The following COX19 variants were observed in gnomAD, a reference collection of about 807,000 sequenced individuals.
COX19 encodes cytochrome c oxidase assembly protein COX19.
A neutral mutation model predicts 6.8 loss-of-function variants in COX19; 8 were observed. The ratio of observed to expected loss-of-function variants is 1.18; its 90% CI spans 0.69 to 2.12. The LOEUF (loss-of-function observed/expected upper bound fraction) is 2.12, where lower values mean the gene tolerates loss of function less well. Among genes scored for constraint, COX19 ranks in the 30% most tolerant of loss-of-function variants. COX19 has a pLI of 0.00. For synonymous variants in COX19, 51 were observed against 38.0 expected, an observed-to-expected ratio of 1.34 and a Z score of -1.26; for missense variants, 131 against 104.6, an observed-to-expected ratio of 1.25 and a Z score of -1.10.
chr7:970,837 A>G (rs1172283174), intron 2 of COX19, among the ~76,000 whole-genome samples: 1 of 152,130 alleles, frequency 6.6e-6, no homozygotes, highest in Non-Finnish European at 1.5e-5. Context: ...TTGGCCTCCC[A>G]AAGTGCTGGG....
In COX19 at chr7:973,194, A is replaced by G; in HGVS notation, c.181T>C (p.Cys61Arg). The change falls in exon 2 of 3, where the codon TGC becomes CGC. Residue 61 changes from cysteine to arginine, a missense_variant. Transcript: ENST00000344111. ...AGCTGTACTCACCTCTCCATCCTGC[A>G]TTCTAAATATTCTTTTGATTCCTTT... ...CRKESKEYLE[C>R]RMERKLMLQE... 4 of 1,597,740 alleles carry G rather than the reference A, an allele frequency of 2.5e-6. No homozygotes were observed. The highest frequency in any genetic ancestry group is 3.4e-6 in the Non-Finnish European group (4 of 1,172,718).
In COX19 at chr7:975,516, G is replaced by A; in HGVS notation, c.-7C>T. 6.3e-7 allele frequency: 1 copy of A among 1,599,962 alleles called. No individual in the cohort carries two copies. The highest frequency in any genetic ancestry group is 8.5e-7 in the Non-Finnish European group (1 of 1,174,728). On this transcript the variant is annotated 5_prime_UTR_variant, in exon 1 of 3. Coordinates refer to ENST00000344111, the MANE Select transcript of COX19 (RefSeq NM_001031617.3). ...AATTCATGGCGGTCGACATGTTGGC[G>A]ACTCCGGAGTCTGCGAGCGCCTTGC...
Position 975,537 on chromosome 7 carries a change from C to T in COX19, c.-28G>A, listed in dbSNP as rs756489750. The T allele has an allele frequency of 1.3e-5, 20 of 1,585,112 alleles. No individual in the cohort carries two copies. In the East Asian group the frequency reaches 4.3e-4, roughly 34 times the overall value. ...TGGCGACTCCGGAGTCTGCGAGCGC[C>T]TTGCGAGCGTACGCAGGGCGGCCGG... On this transcript the variant is annotated 5_prime_UTR_variant, in exon 1 of 3. Transcript: ENST00000344111.
At chr7:971,612 C>T (rs1847636259) in intron 2 of COX19, among the ~76,000 whole-genome samples, 1 of 152,160 alleles carries the variant, frequency 6.6e-6, no homozygotes, top group African/African-American at 2.4e-5. Flanking sequence ...TGGCTCACGC[C>T]TGTAATCCCA....
In COX19 at chr7:965,830, G is replaced by C. The variant is rs942964758; in HGVS notation, c.*3548C>G. ...ATTTTTGTATTTTTAGTAGAGACAG[G>C]GTTTCTCCATGTTGGCCAGGCTGGC... On this transcript the variant is annotated 3_prime_UTR_variant, in exon 3 of 3. Transcript: ENST00000344111. Among the ~76,000 whole-genome samples the C allele has an allele frequency of 3.3e-5, 5 of 152,214 alleles. No individual in the cohort carries two copies. Among genetic ancestry groups the C allele is most frequent in the Non-Finnish European group, 7.3e-5 (5 of 68,046 alleles).
intron 1 of COX19, among the ~76,000 whole-genome samples, chr7:973,574 G>A (rs546390976): frequency 3.3e-5 from 5 of 152,334 alleles, no homozygotes; most frequent in African/African-American, 1.2e-4. Context: ...AGGAGGCTGA[G>A]GCAGGAAGAT....
At chr7:974,730 C>G (rs139308794) in intron 1 of COX19, among the ~76,000 whole-genome samples, 5,711 of 152,014 alleles carry the variant, frequency 0.038, 150 homozygotes, top group African/African-American at 0.067. Context: ...CCGATCTCGG[C>G]TCACTGCAAC....
At chr7:973,389 T>G in intron 1 of COX19, 97 bp from the exon 2 acceptor site, 1 of 1,397,520 alleles carries the variant, frequency 7.2e-7, no homozygotes, top group Non-Finnish European at 9.3e-7. Flanking sequence ...CTTTCAAAAC[T>G]TGTTTCCTCA....
chr7:969,512 C>T lies in COX19; in HGVS notation c.195-56G>A, dbSNP rs1006488477. ...GGAGGTGCAGAGAGGACAAGAGGGG[C>T]CCTTGCAGGCCCCGGCTTCCCAGCG... On this transcript the variant is annotated intron_variant, in intron 2 of 2. Transcript: ENST00000344111. The T allele has an allele frequency of 1.1e-5, 12 of 1,102,638 alleles. No homozygotes were observed. In the African/African-American group the frequency reaches 1.9e-4, roughly 17 times the overall value. 68.3% of individuals were successfully genotyped at this position (1,102,638 alleles called of 1,614,324 possible).
intron 1 of COX19, 43 bp downstream of exon 1, chr7:975,385 C>T (rs3735678): frequency 0.12 from 172,978 of 1,463,736 alleles, 10,997 homozygotes; most frequent in South Asian, 0.15. Flanking sequence ...GCGACCCAGA[C>T]CCCCCATCGC....
At chr7:973,544 G>A (rs55729719) in intron 1 of COX19, among the ~76,000 whole-genome samples, 24,643 of 152,110 alleles carry the variant, frequency 0.16, 2,957 homozygotes, top group African/African-American at 0.34. Context: ...TGTGGCGCAC[G>A]TCTGTGGTTC....
rs754515676 is a variant in COX19 at position 973,216 on chromosome 7, C to T, written c.159G>A (p.Lys53=). The T allele has an allele frequency of 6.2e-7, 1 of 1,602,870 alleles. No homozygotes were observed. The highest frequency in any genetic ancestry group is 1.7e-5 in the Admixed American group (1 of 58,142). The change falls in exon 2 of 3, where the codon AAG becomes AAA. Residue 53 remains lysine (K), a synonymous_variant. Transcript: ENST00000344111. ...NNNFENALCR[K]ESKEYLECRM... is the part of the protein sequence containing the mutation. ...TGCATTCTAAATATTCTTTTGATTC[C>T]TTTCTGCACAAAGCATTTTCAAAAT...
chr7:970,803 C>G (rs1847624068), intron 2 of COX19, among the ~76,000 whole-genome samples: 2 of 152,132 alleles, frequency 1.3e-5, no homozygotes, highest in South Asian at 4.1e-4. Context: ...GTCTTGAACT[C>G]CTGAGCTCAA....
rs1287898075 is a variant in COX19 at position 964,934 on chromosome 7, AGAT to A, written c.*4441_*4443del. Among the ~76,000 whole-genome samples the A allele has an allele frequency of 6.6e-6, 1 of 152,256 alleles. No homozygotes were observed. Among genetic ancestry groups the A allele is most frequent in the African/African-American group, 2.4e-5 (1 of 41,472 alleles). On this transcript the variant is annotated 3_prime_UTR_variant, in exon 3 of 3. Coordinates refer to ENST00000344111, the MANE Select transcript of COX19 (RefSeq NM_001031617.3). ...AAATAAAATGCATTCTGCACATGACAGATGATGAACTACCCGAAATATCTCGTG... is the reference window on the plus strand; with the variant it reads ...AAATAAAATGCATTCTGCACATGACAGATGAACTACCCGAAATATCTCGTG...
chr7:971,967 C>T (rs1487260959), intron 2 of COX19, among the ~76,000 whole-genome samples: 1 of 152,236 alleles, frequency 6.6e-6, no homozygotes, highest in Non-Finnish European at 1.5e-5. Flanking sequence ...GCGAGACCAC[C>T]TGAGGCACTG....
intron 1 of COX19, chr7:975,217 C>T (rs1348795453): frequency 2.1e-5 from 9 of 431,182 alleles, no homozygotes; most frequent in Non-Finnish European, 3.7e-5. Context: ...TCGCTGCCCT[C>T]GTCACGGGGG....
chr7:969,043 T>C lies in COX19; in HGVS notation c.*335A>G. 1 of 228,072 alleles carries C rather than the reference T, an allele frequency of 4.4e-6. No individual in the cohort carries two copies. Among genetic ancestry groups the C allele is most frequent in the Non-Finnish European group, 8.5e-6 (1 of 117,264 alleles). 14.1% of individuals were successfully genotyped at this position (228,072 alleles called of 1,614,324 possible). On this transcript the variant is annotated 3_prime_UTR_variant, in exon 3 of 3. Coordinates refer to ENST00000344111, the MANE Select transcript of COX19 (RefSeq NM_001031617.3). The stretch of plus-strand genomic sequence containing the variant: ...AGGGACTGAAATTTATACATTTACC[T>C]CTTTGAACTCAGAAAGTATCAGAGG...
Position 975,442 on chromosome 7 carries a change from G to C in COX19, c.68C>G (p.Pro23Arg). Residue 23 changes from proline (P) to arginine (R), a missense_variant, in exon 1 of 3, where the codon CCG becomes CGG. Transcript: ENST00000344111. ...CCGCCGCTCACCTAAGTGATCCAGC[G>C]GGAAGCTGCCCTTGTCCGGGGGCCG... is the stretch of plus-strand genomic sequence containing the variant. ...QPRPPDKGSF[P>R]LDHLGECKSF... 5 of 1,597,828 alleles carry C rather than the reference G, an allele frequency of 3.1e-6. No homozygotes were observed. The highest frequency in any genetic ancestry group is 4.3e-6 in the Non-Finnish European group (5 of 1,174,006).
In COX19 at chr7:975,319, T is replaced by A. The variant is rs548331157; in HGVS notation, c.82+109A>T. On this transcript the variant is annotated intron_variant, in intron 1 of 2. Coordinates refer to ENST00000344111, the MANE Select transcript of COX19 (RefSeq NM_001031617.3). ...GGAGGGGCGGGCCGCCGTGCCTCAG[T>A]TTCCCCGCCTGCACCGCGCTAGATG... The A allele has an allele frequency of 7.1e-6, 6 of 848,738 alleles. No homozygotes were observed. In the East Asian group the frequency reaches 9.8e-5, roughly 14 times the overall value. The allele number at this position is 848,738 out of a possible 1,614,324, so 52.6% of individuals were successfully genotyped here.
Sources: gnomAD v4.1 joint callset for allele counts (sites outside exome capture counted in the v4.1 genomes callset) on GRCh38, gnomAD v4.1.1 for gene constraint, MANE v1.5 for transcripts, NCBI Gene and HGNC (gene_info 2026-07-23, HGNC 2026-07-21) for gene names.